The following NECTIN2 variants were observed in gnomAD, a reference collection of about 807,000 sequenced individuals.
NECTIN2 encodes nectin-2.
A neutral mutation model predicts 56.9 loss-of-function variants in NECTIN2; 23 were observed. That is an observed-to-expected ratio of 0.40 (90% CI 0.29 to 0.57). The LOEUF is 0.57. Ranked by LOEUF, NECTIN2 falls within the 20% of genes least tolerant of loss-of-function variation. The pLI is 0.38. For synonymous variants in NECTIN2, 302 were observed against 313.8 expected, an observed-to-expected ratio of 0.96 and a Z score of 0.40; for missense variants, 587 against 718.3, an observed-to-expected ratio of 0.82 and a Z score of 2.09.
chr19:44,864,010 A>AC (rs201962112), intron 1 of NECTIN2, among the ~76,000 whole-genome samples: 7 of 93,860 alleles, frequency 7.5e-5, no homozygotes, highest in African/African-American at 2.3e-4. Flanking sequence ...TTTTCAGAGG[A>AC]TTCCCCCCCC....
intron 2 of NECTIN2, among the ~76,000 whole-genome samples, chr19:44,869,702 C>G (rs4803767): frequency 6.6e-6 from 1 of 151,322 alleles, no homozygotes; most frequent in Admixed American, 6.6e-5. Context: ...CCTGAATATA[C>G]ACTTCAAGCA....
chr19:44,888,498 T>A lies in NECTIN2; in HGVS notation c.*119T>A. 1 of 1,095,404 alleles carries A rather than the reference T, an allele frequency of 9.1e-7. No individual in the cohort carries two copies. The highest frequency in any genetic ancestry group is 1.6e-5 in the African/African-American group (1 of 63,244). The allele number at this position is 1,095,404 out of a possible 1,614,324, so 67.9% of individuals were successfully genotyped here. ...GTCAGTTAACACATATGCATTCCATTTGTGATGTCTACCTTGGTGGCTCCA... is the reference window on the plus strand; with the variant it reads ...GTCAGTTAACACATATGCATTCCATATGTGATGTCTACCTTGGTGGCTCCA... On this transcript the variant is annotated 3_prime_UTR_variant, in exon 9 of 9. Coordinates refer to ENST00000252483, the MANE Select transcript of NECTIN2 (RefSeq NM_001042724.2).
chr19:44,861,836 C>G (rs181601333), intron 1 of NECTIN2, among the ~76,000 whole-genome samples: 1 of 152,172 alleles, frequency 6.6e-6, no homozygotes, highest in Admixed American at 6.5e-5. Flanking sequence ...ATCAGAAAGT[C>G]AAGAAACAAC....
chr19:44,879,019 A>G (rs1397932806), intron 5 of NECTIN2: 2 of 635,104 alleles, frequency 3.1e-6, no homozygotes, highest in South Asian at 6.4e-5. Flanking sequence ...CCTAGGTCCC[A>G]GGGCTGGGAA....
intron 6 of NECTIN2, among the ~76,000 whole-genome samples, chr19:44,885,057 C>T (rs562825364): frequency 1.3e-5 from 2 of 151,478 alleles, no homozygotes; most frequent in Non-Finnish European, 2.9e-5. Flanking sequence ...AGTGCAATGG[C>T]GCGATCTCGG....
At chr19:44,851,316 C>T (rs1431142971) in intron 1 of NECTIN2, among the ~76,000 whole-genome samples, 2 of 151,214 alleles carry the variant, frequency 1.3e-5, no homozygotes, top group Non-Finnish European at 3.0e-5. Context: ...AGCCTCAGTC[C>T]CCTGCTCCCT....
chr19:44,882,420 T>C (rs1459507598), intron 6 of NECTIN2, 56 bp downstream of exon 6: 2 of 1,324,776 alleles, frequency 1.5e-6, no homozygotes, highest in East Asian at 3.0e-5. Flanking sequence ...CTGAGGAGTA[T>C]GGGGTAGGGG....
chr19:44,887,027 A>AG (rs1969368831), intron 8 of NECTIN2, among the ~76,000 whole-genome samples: 2 of 151,922 alleles, frequency 1.3e-5, no homozygotes, highest in African/African-American at 4.8e-5. Flanking sequence ...AAAAAAAAAA[A>AG]AAAGAGGAAA....
chr19:44,853,512 G>A (rs1377686721), intron 1 of NECTIN2, among the ~76,000 whole-genome samples: 1 of 134,828 alleles, frequency 7.4e-6, no homozygotes, highest in Non-Finnish European at 1.5e-5. Context: ...TTTTTGAGAT[G>A]GAGTCTCACT....
rs754422121 is a variant in NECTIN2, at chr19:44,885,928, A to G, written c.1197-9A>G. 2.6e-6 allele frequency: 4 copies of G among 1,564,314 alleles called. No homozygotes were observed. Among genetic ancestry groups the G allele is most frequent in the Non-Finnish European group, 3.5e-6 (4 of 1,135,126 alleles). The stretch of plus-strand genomic sequence containing the variant: ...TTAATCTCCACTTGTCCTACCTCCT[A>G]CCCCACAGCCTGGAGGGACCTCCCT... On this transcript the variant is annotated splice_polypyrimidine_tract_variant and intron_variant, in intron 6 of 8. Coordinates refer to ENST00000252483, the MANE Select transcript of NECTIN2 (RefSeq NM_001042724.2).
chr19:44,848,949 G>C (rs1023396218), intron 1 of NECTIN2, among the ~76,000 whole-genome samples: 100 of 152,266 alleles, frequency 6.6e-4, no homozygotes, highest in African/African-American at 2.3e-3. Context: ...GCCCATCCGT[G>C]TGTCCATGTC....
In NECTIN2 at chr19:44,877,474, G is replaced by A. The variant is rs189417453; in HGVS notation, c.1042+2996G>A. Among the ~76,000 whole-genome samples the A allele has an allele frequency of 2.4e-4, 36 of 152,278 alleles. 1 individual carries two copies. In the East Asian group the frequency reaches 6.4e-3, roughly 27 times the overall value. ...CCCACCTGCTCAGCCCCTGCAGGGAGCACTAAGGAAGTCCCACTGTCCCGG... is the reference window on the plus strand; with the variant it reads ...CCCACCTGCTCAGCCCCTGCAGGGAACACTAAGGAAGTCCCACTGTCCCGG... On this transcript the variant is annotated intron_variant, in intron 5 of 8. Coordinates refer to ENST00000252483, the MANE Select transcript of NECTIN2 (RefSeq NM_001042724.2).
intron 6 of NECTIN2, among the ~76,000 whole-genome samples, chr19:44,885,100 A>C (rs1329432250): frequency 1.3e-5 from 2 of 151,052 alleles, no homozygotes; most frequent in East Asian, 3.9e-4. Flanking sequence ...GGGTTCAAGC[A>C]ATTCTCCTGC....
Position 44,865,699 on chromosome 19 carries a change from G to A in NECTIN2, c.478+39G>A, listed in dbSNP as rs1969093112. 2.0e-6 allele frequency: 3 copies of A among 1,474,620 alleles called. No individual in the cohort carries two copies. Among genetic ancestry groups the A allele is most frequent in the East Asian group, 2.5e-5 (1 of 40,140 alleles). The allele number at this position is 1,474,620 out of a possible 1,614,324, so 91.3% of individuals were successfully genotyped here. ...GGGCGGGAGGCAAGGAGGTGGGAGG[G>A]CCGCGGTGTGGGAGCATCCCCTTGC... is the stretch of plus-strand genomic sequence containing the variant. On this transcript the variant is annotated intron_variant, in intron 2 of 8. Coordinates refer to ENST00000252483, the MANE Select transcript of NECTIN2 (RefSeq NM_001042724.2). This position sits in a 1 kb window ranked among gnomAD's most constrained non-coding sequence, Gnocchi z 5.2.
At chr19:44,864,648 A>G (rs112283362) in intron 1 of NECTIN2, among the ~76,000 whole-genome samples, 11,129 of 152,148 alleles carry the variant, frequency 0.073, 1,028 homozygotes, top group African/African-American at 0.22. Flanking sequence ...GTGAAACCCC[A>G]TCTCTACTAA....
In NECTIN2 at chr19:44,862,366, G is replaced by A. The variant is rs796211695; in HGVS notation, c.89-2905G>A. Among the ~76,000 whole-genome samples the A allele has an allele frequency of 5.9e-4, 89 of 150,804 alleles. 2 individuals are homozygous for A. The highest frequency in any genetic ancestry group is 2.0e-3 in the African/African-American group (83 of 41,040). ...GGAGGCAGAGCTTGCAGTGAGCCGA[G>A]ATGGCACCACTGCACTCAGGCCTGG... On this transcript the variant is annotated intron_variant, in intron 1 of 8. Coordinates refer to ENST00000252483, the MANE Select transcript of NECTIN2 (RefSeq NM_001042724.2).
intron 1 of NECTIN2, among the ~76,000 whole-genome samples, chr19:44,846,929 G>C (rs1198657122): frequency 6.6e-6 from 1 of 151,806 alleles, no homozygotes; most frequent in African/African-American, 2.4e-5. Context: ...ATCCCAGGAA[G>C]GCCTGGTGCC....
rs930505514 is a variant in NECTIN2 at position 44,865,159 on chromosome 19, G to A, written c.89-112G>A. 6.7e-6 allele frequency: 8 copies of A among 1,192,876 alleles called. No homozygotes were observed. Among genetic ancestry groups the A allele is most frequent in the Non-Finnish European group, 9.4e-6 (8 of 848,894 alleles). The allele number at this position is 1,192,876 out of a possible 1,614,324, so 73.9% of individuals were successfully genotyped here. ...ATCAGGATGCTGCGAAGCTGCCTAC[G>A]TTGCATGCGGAGCCTGCATTTCCCG... On this transcript the variant is annotated intron_variant, in intron 1 of 8. Transcript: ENST00000252483. This position sits in a 1 kb window ranked among gnomAD's most constrained non-coding sequence, Gnocchi z 5.2.
intron 5 of NECTIN2, among the ~76,000 whole-genome samples, chr19:44,880,002 C>T (rs1306981838): frequency 3.9e-5 from 6 of 152,180 alleles, no homozygotes; most frequent in African/African-American, 1.4e-4. Flanking sequence ...TCTCACTCCC[C>T]CACCCTCTGA....
Sources: gnomAD v4.1 joint callset for allele counts (sites outside exome capture counted in the v4.1 genomes callset) on GRCh38, gnomAD v4.1.1 for gene constraint, Gnocchi (gnomAD v3.1) non-coding constraint, MANE v1.5 for transcripts, NCBI Gene and HGNC (gene_info 2026-07-23, HGNC 2026-07-21) for gene names.